TNRC6C: variants seen among roughly 807,000 people sequenced by gnomAD.
TNRC6C encodes trinucleotide repeat containing adaptor 6C.
TNRC6C carries 20 observed loss-of-function variants against 153.7 expected under a neutral mutation model. The ratio of observed to expected loss-of-function variants is 0.13; its 90% CI spans 0.09 to 0.19. TNRC6C has a LOEUF of 0.19. Among genes scored for constraint, TNRC6C ranks in the 10% least tolerant of loss-of-function variants. The probability of loss-of-function intolerance (pLI) is 1.00; values close to 1 mark genes in which losing one functional copy is unlikely to be tolerated. For synonymous variants in TNRC6C, 811 were observed against 841.4 expected (o/e 0.96, Z 0.63); for missense variants, 1,987 against 2,172.0 (o/e 0.91, Z 1.69).
chr17:77,973,144 T>C (rs1026481732), intron 1 of TNRC6C, among the ~76,000 whole-genome samples: 4 of 152,150 alleles, frequency 2.6e-5, no homozygotes, highest in Non-Finnish European at 5.9e-5. Context: ...TGACTTCAGG[T>C]GATCCGCCCG....
At chr17:77,995,386 G>T (rs1476609295) in intron 1 of TNRC6C, among the ~76,000 whole-genome samples, 1 of 152,228 alleles carries the variant, frequency 6.6e-6, no homozygotes, top group African/African-American at 2.4e-5. Context: ...TATGTCTCTA[G>T]TGCCCTGTAC....
chr17:78,046,153 T>C (rs1037861805), intron 2 of TNRC6C, among the ~76,000 whole-genome samples: 3 of 152,080 alleles, frequency 2.0e-5, no homozygotes, highest in African/African-American at 4.8e-5. Flanking sequence ...CTGGTTGGGT[T>C]GTTGGCCTCT....
rs151232767 is a variant in TNRC6C at position 78,103,916 on chromosome 17, C to T, written c.4712+363C>T. 6.3e-3 allele frequency among the ~76,000 whole-genome samples: 963 copies of T among 152,366 alleles called. 3 individuals carry two copies. Among genetic ancestry groups the T allele is most frequent in the Middle Eastern group, 0.014 (4 of 294 alleles). Reference sequence around the variant, plus strand: ...AATTCCCGCCTTAAAGACCCCATCTCCAAACGTAGTCACATGGGGAGGTAC... The same window carrying T: ...AATTCCCGCCTTAAAGACCCCATCTTCAAACGTAGTCACATGGGGAGGTAC... On this transcript the variant is annotated intron_variant, in intron 19 of 19. Coordinates refer to ENST00000301624, the Ensembl canonical transcript of TNRC6C.
chr17:77,984,878 T>C (rs1598649937), intron 1 of TNRC6C, among the ~76,000 whole-genome samples: 1 of 152,172 alleles, frequency 6.6e-6, no homozygotes, highest in African/African-American at 2.4e-5. Flanking sequence ...ATAGTAAGTA[T>C]CTACTTTCTG....
At chr17:78,052,607 C>G (rs1231760879) in intron 3 of TNRC6C, among the ~76,000 whole-genome samples, 1 of 152,048 alleles carries the variant, frequency 6.6e-6, no homozygotes, top group Non-Finnish European at 1.5e-5. Flanking sequence ...TGTAGGGCAG[C>G]CTGGGCATTT....
intron 1 of TNRC6C, among the ~76,000 whole-genome samples, chr17:78,012,944 G>C (rs2071662264): frequency 6.6e-6 from 1 of 152,164 alleles, no homozygotes; most frequent in South Asian, 2.1e-4. Context: ...AATTGGGAAA[G>C]GAAAATACTG....
At position 77,983,418 on chromosome 17, in the gene TNRC6C, A is replaced by G. The variant is rs574017582; in HGVS notation, c.-37-20752A>G. 2.0e-5 allele frequency among the ~76,000 whole-genome samples: 3 copies of G among 152,322 alleles called. No individual in the cohort carries two copies. In the South Asian group the frequency reaches 6.2e-4, roughly 32 times the overall value. On this transcript the variant is annotated intron_variant, in intron 1 of 22. Transcript: ENST00000636222. ...CCAAGGCAAAATGGGGTAATGCTAT[A>G]CAATGGGGGCAGGGAGGAGGATGTT...
chr17:78,026,856 T>C (rs944476131), intron 1 of TNRC6C, among the ~76,000 whole-genome samples: 1 of 151,666 alleles, frequency 6.6e-6, no homozygotes, highest in Non-Finnish European at 1.5e-5. Context: ...GGAATGAAAA[T>C]AGATGGGTGA....
At chr17:78,089,736 T>C (rs1471072421) in intron 13 of TNRC6C, among the ~76,000 whole-genome samples, 2 of 152,208 alleles carry the variant, frequency 1.3e-5, no homozygotes, top group Non-Finnish European at 2.9e-5. Flanking sequence ...ACTTTCACTT[T>C]GAGTGGTGAA....
chr17:77,963,256 G>C (rs2070874675), intron 1 of TNRC6C, among the ~76,000 whole-genome samples: 1 of 152,174 alleles, frequency 6.6e-6, no homozygotes, highest in South Asian at 2.1e-4. Flanking sequence ...ATCTGAAATT[G>C]AAACTGAGAA....
In TNRC6C at chr17:78,104,234, C is replaced by T. The variant is rs569171638; in HGVS notation, c.4713-251C>T. Reference sequence around the variant, plus strand: ...TAGCCCAGGATGCAAATGACACTGACCCTAAACGAGCCCACATTTAATGAT... The same window carrying T: ...TAGCCCAGGATGCAAATGACACTGATCCTAAACGAGCCCACATTTAATGAT... On this transcript the variant is annotated intron_variant, in intron 19 of 19. Coordinates refer to ENST00000301624, the Ensembl canonical transcript of TNRC6C. This position sits in a 1 kb window ranked among gnomAD's most constrained non-coding sequence, Gnocchi z 6.2. 3.3e-5 allele frequency among the ~76,000 whole-genome samples: 5 copies of T among 152,336 alleles called. 1 individual carries two copies. In the South Asian group the frequency reaches 6.2e-4, roughly 19 times the overall value.
intron 1 of TNRC6C, among the ~76,000 whole-genome samples, chr17:77,995,194 G>A (rs2071309743): frequency 6.6e-6 from 1 of 152,242 alleles, no homozygotes; most frequent in South Asian, 2.1e-4. Context: ...AGAGATCACA[G>A]CCATGGCTCA....
At chr17:78,084,746 A>C (rs1267204409) in intron 11 of TNRC6C, among the ~76,000 whole-genome samples, 1 of 149,976 alleles carries the variant, frequency 6.7e-6, no homozygotes, top group Non-Finnish European at 1.5e-5. Flanking sequence ...CTCCTGTCTC[A>C]GCCTCCCGAG....
intron 2 of TNRC6C, 52 bp from the exon 5 acceptor site, chr17:78,048,793 A>G: frequency 6.5e-6 from 8 of 1,231,846 alleles, no homozygotes; most frequent in East Asian, 3.1e-5. Flanking sequence ...CAGTTGATTC[A>G]TTGACAAATG....
intron 8 of TNRC6C, among the ~76,000 whole-genome samples, chr17:78,076,227 GAAAA>G (rs1352061055): frequency 7.6e-6 from 1 of 132,314 alleles, no homozygotes; most frequent in Non-Finnish European, 1.6e-5. Context: ...AAAAAAAAAA[GAAAA>G]AGAAAAAAAA....
chr17:78,073,219 G>GA (rs2073028230), intron 7 of TNRC6C, 125 bp downstream of exon 9: 1 of 694,906 alleles, frequency 1.4e-6, no homozygotes. Context: ...AGGCCACAGT[G>GA]AAGGGGCAAC....
chr17:78,065,030 C>T (rs944051829), intron 4 of TNRC6C, 93 bp downstream of exon 6: 9 of 1,373,094 alleles, frequency 6.6e-6, no homozygotes, highest in South Asian at 1.3e-5. Flanking sequence ...ATACTTTCCT[C>T]ATTATATTTA....
chr17:78,068,691 G>A (rs2072930220), intron 5 of TNRC6C, among the ~76,000 whole-genome samples: 1 of 152,200 alleles, frequency 6.6e-6, no homozygotes, highest in East Asian at 1.9e-4. Context: ...CTACTCGGGA[G>A]GCTGAGGCAA....
intron 5 of TNRC6C, among the ~76,000 whole-genome samples, chr17:78,069,078 G>T (rs2072939556): frequency 1.3e-5 from 2 of 152,050 alleles, no homozygotes; most frequent in African/African-American, 4.8e-5. Context: ...ATAGATAAAT[G>T]TAAAAACTGT....
Sources: allele counts gnomAD v4.1 joint callset (sites outside exome capture counted in the v4.1 genomes callset), GRCh38; gene constraint gnomAD v4.1.1; non-coding constraint Gnocchi (gnomAD v3.1); transcripts MANE v1.5; gene names NCBI Gene and HGNC (gene_info 2026-07-23, HGNC 2026-07-21).